Variants in CD101 observed in about 807,000 individuals in gnomAD.
The protein encoded by CD101 is immunoglobulin superfamily member 2.
Under a neutral mutation model 98.2 loss-of-function variants are expected in CD101, and 76 were observed. The ratio of observed to expected loss-of-function variants is 0.77; its 90% confidence interval spans 0.64 to 0.94. The LOEUF (loss-of-function observed/expected upper bound fraction) is 0.94. CD101 is among the 40% of genes least tolerant of loss of function. The pLI is 0.00. For missense variants in CD101, 1,145 were observed against 1,218.8 expected, an observed-to-expected ratio of 0.94 and a Z score of 0.90; for synonymous variants, 471 against 472.7, an observed-to-expected ratio of 1.00 and a Z score of 0.05.
At chr1:117,008,596 ACCTTTTCT>A in intron 1 of CD101, among the ~76,000 whole-genome samples, 1 of 152,276 alleles carries the variant, frequency 6.6e-6, no homozygotes, top group Non-Finnish European at 1.5e-5. Flanking sequence ...GTGACCACTT[ACCTTTTCT>A]GTGCTTTTGC....
rs953929563 is a variant in CD101 at position 117,012,955 on chromosome 1, G to T, written c.842-451G>T. On this transcript the variant is annotated intron_variant, in intron 3 of 9. Transcript: ENST00000682167. The surrounding 1 kb of genome is among the most constrained non-coding windows in gnomAD (Gnocchi z 4.0). ...TCAAGTATCCAAGTTATACTCATGAGTCCTATGGAGCGATATCACATGTGC... is the reference window on the plus strand; with the variant it reads ...TCAAGTATCCAAGTTATACTCATGATTCCTATGGAGCGATATCACATGTGC... 6.6e-6 allele frequency among the ~76,000 whole-genome samples: 1 copy of T among 152,108 alleles called. No individual in the cohort carries two copies. Among genetic ancestry groups the T allele is most frequent in the Non-Finnish European group, 1.5e-5 (1 of 68,020 alleles).
Position 117,021,635 on chromosome 1 carries a change from GAT to G in CD101, c.2084_2085del (p.Ile695ArgfsTer3). 6.2e-7 allele frequency: 1 copy of G among 1,613,578 alleles called. No individual in the cohort carries two copies. The highest frequency in any genetic ancestry group is 8.5e-7 in the Non-Finnish European group (1 of 1,179,764). ...AGAGCTCTCCATCAACTCCAACACT[GAT>G]ATAGAATGTAGCATCTTGTCCCGGT... ...VQELSINSNT[D>X]IECSILSRSN... On this transcript the variant is annotated frameshift_variant, in exon 7 of 10. Transcript: ENST00000682167. LOFTEE classifies it high-confidence loss of function. This position sits in a 1 kb window ranked among gnomAD's most constrained non-coding sequence, Gnocchi z 4.7.
chr1:117,014,111 T>C (rs1331279421), intron 4 of CD101, among the ~76,000 whole-genome samples: 2 of 152,128 alleles, frequency 1.3e-5, no homozygotes, highest in East Asian at 1.9e-4. Context: ...AGTCTATTTA[T>C]TTTTTGTTCT....
chr1:117,025,476 C>A (rs1404855998), intron 7 of CD101, 33 bp from the exon 8 acceptor site: 2 of 1,497,474 alleles, frequency 1.3e-6, no homozygotes, highest in Non-Finnish European at 1.8e-6. Context: ...TGAAAGTCTG[C>A]ATTCTCTAAT....
At chr1:117,007,657 C>G (rs935016531) in intron 1 of CD101, among the ~76,000 whole-genome samples, 2 of 152,080 alleles carry the variant, frequency 1.3e-5, no homozygotes, top group African/African-American at 2.4e-5. Flanking sequence ...CATTTCCTGC[C>G]TTTTTGCTAA....
rs1003878340 is a variant in CD101, at chr1:117,005,551, G to C, written c.43+3691G>C. On this transcript the variant is annotated intron_variant, in intron 1 of 9. Transcript: ENST00000682167. This position sits in a 1 kb window ranked among gnomAD's most constrained non-coding sequence, Gnocchi z 4.4. ...AATGTTCTTCCCTTGATTTCCAGCC[G>C]CTGTGTCCTAGTTGCCCTCCATCTA... 2.0e-5 allele frequency among the ~76,000 whole-genome samples: 3 copies of C among 152,032 alleles called. No individual in the cohort carries two copies. The highest frequency in any genetic ancestry group is 4.4e-5 in the Non-Finnish European group (3 of 68,002).
rs565688958 is a variant in CD101, at chr1:117,022,237, G to A, written c.2428+254G>A. Among the ~76,000 whole-genome samples, 1 of 152,244 alleles carries A rather than the reference G, an allele frequency of 6.6e-6. No homozygotes were observed. Among genetic ancestry groups the A allele is most frequent in the African/African-American group, 2.4e-5 (1 of 41,540 alleles). ...TTTGATTGGTTTGCTTCTCAACCTG[G>A]CAGCCTGGTCTGTGCAGCTACCCAG... On this transcript the variant is annotated intron_variant, in intron 7 of 9. Transcript: ENST00000682167. The surrounding 1 kb of genome is among the most constrained non-coding windows in gnomAD (Gnocchi z 4.8).
chr1:117,031,473 G>T (rs1047216730), intron 8 of CD101, among the ~76,000 whole-genome samples: 1 of 152,220 alleles, frequency 6.6e-6, no homozygotes, highest in Admixed American at 6.5e-5. Flanking sequence ...TTCAGTCTTT[G>T]CTGAATGTCA....
rs1652422862 is a variant in CD101 at position 117,004,591 on chromosome 1, C to T, written c.43+2731C>T. On this transcript the variant is annotated intron_variant, in intron 1 of 9. Transcript: ENST00000682167. This position sits in a 1 kb window ranked among gnomAD's most constrained non-coding sequence, Gnocchi z 4.1. ...GAGCTACTATTCAAAAGTAGCTAAC[C>T]CTCTACCCATTAAAAGAGAGAGCAA... 6.6e-6 allele frequency among the ~76,000 whole-genome samples: 1 copy of T among 152,062 alleles called. No individual in the cohort carries two copies. Among genetic ancestry groups the T allele is most frequent in the Non-Finnish European group, 1.5e-5 (1 of 68,024 alleles).
chr1:117,007,391 G>A (rs189233517), intron 1 of CD101, among the ~76,000 whole-genome samples: 2 of 151,012 alleles, frequency 1.3e-5, no homozygotes, highest in Non-Finnish European at 3.0e-5. Context: ...GGAGTTGCCC[G>A]GGCTGGAGTA....
In CD101 at chr1:117,021,696, A is replaced by AT. The variant is rs749177934; in HGVS notation, c.2146dup (p.Ser716PhefsTer6). 3 of 1,613,968 alleles carry AT rather than the reference A, an allele frequency of 1.9e-6. No individual in the cohort carries two copies. The highest frequency in any genetic ancestry group is 2.7e-5 in the African/African-American group (2 of 74,896). On this transcript the variant is annotated frameshift_variant, in exon 7 of 10. Transcript: ENST00000682167. LOFTEE classifies it high-confidence loss of function. The surrounding 1 kb of genome is among the most constrained non-coding windows in gnomAD (Gnocchi z 4.7). The stretch of plus-strand genomic sequence containing the variant: ...AACCTTCAGTTAGCCATTATTTGGT[A>AT]TTTTTCTCCTGTTTCCACTAATGCC...
At position 117,009,831 on chromosome 1, in the gene CD101, TCTTTCTCCTA is replaced by T. The variant is rs1435929899; in HGVS notation, c.44-15_44-6del. The T allele has an allele frequency of 6.4e-7, 1 of 1,573,996 alleles. No homozygotes were observed. Among genetic ancestry groups the T allele is most frequent in the Non-Finnish European group, 8.7e-7 (1 of 1,154,948 alleles). On this transcript the variant is annotated splice_polypyrimidine_tract_variant and intron_variant, in intron 1 of 9. Transcript: ENST00000682167. ...ACACTAATCTCTTTTTATTCCCCTT[TCTTTCTCCTA>T]CTTACAAGCTAAGCTCAGCATTGGC...
In CD101 at chr1:117,005,919, CTATT is replaced by C. The variant is rs1328464262; in HGVS notation, c.44-3928_44-3925del. ...ACAAATATTTTCAAAGGGTTAAAGTCTATTTAACCCTTTGAAAATATGTATAATT... is the reference window on the plus strand; with the variant it reads ...ACAAATATTTTCAAAGGGTTAAAGTCTAACCCTTTGAAAATATGTATAATT... On this transcript the variant is annotated intron_variant, in intron 1 of 9. Coordinates refer to ENST00000682167, the MANE Select transcript of CD101 (RefSeq NM_001256106.3). The surrounding 1 kb of genome is among the most constrained non-coding windows in gnomAD (Gnocchi z 4.4). 6.6e-6 allele frequency among the ~76,000 whole-genome samples: 1 copy of C among 151,470 alleles called. No homozygotes were observed. The highest frequency in any genetic ancestry group is 2.4e-5 in the African/African-American group (1 of 41,196).
chr1:117,010,947 G>T lies in CD101; in HGVS notation c.425-603G>T, dbSNP rs1226785616. On this transcript the variant is annotated intron_variant, in intron 2 of 9. Coordinates refer to ENST00000682167, the MANE Select transcript of CD101 (RefSeq NM_001256106.3). The surrounding 1 kb of genome is among the most constrained non-coding windows in gnomAD (Gnocchi z 5.2). ...GCTTCTACTCAGTGGCTAGCACCGA[G>T]TAGACGCTCAGTCACATTCATTGAT... Among the ~76,000 whole-genome samples the T allele has an allele frequency of 6.6e-6, 1 of 152,164 alleles. No homozygotes were observed. Among genetic ancestry groups the T allele is most frequent in the Non-Finnish European group, 1.5e-5 (1 of 68,026 alleles).
At chr1:117,007,283 G>T (rs865784953) in intron 1 of CD101, among the ~76,000 whole-genome samples, 9 of 151,890 alleles carry the variant, frequency 5.9e-5, no homozygotes, top group Admixed American at 3.3e-4. Context: ...CACCCAGCCC[G>T]CAGTGTGCCC....
Position 117,021,518 on chromosome 1 carries a change from C to G in CD101, c.2018-55C>G, listed in dbSNP as rs976708730. On this transcript the variant is annotated intron_variant, in intron 6 of 9. Coordinates refer to ENST00000682167, the MANE Select transcript of CD101 (RefSeq NM_001256106.3). This position sits in a 1 kb window ranked among gnomAD's most constrained non-coding sequence, Gnocchi z 4.7. ...TCATACTTGACCTCTAATGTCTCTACTACCTTAACTTTCTATTTCATAGCA... is the reference window on the plus strand; with the variant it reads ...TCATACTTGACCTCTAATGTCTCTAGTACCTTAACTTTCTATTTCATAGCA... The G allele has an allele frequency of 7.6e-6, 11 of 1,456,792 alleles. No individual in the cohort carries two copies. The highest frequency in any genetic ancestry group is 1.0e-5 in the Non-Finnish European group (11 of 1,091,966). The allele number at this position is 1,456,792 out of a possible 1,614,324, so 90.2% of individuals were successfully genotyped here. A position where few individuals can be genotyped will look rare whatever the true frequency, so the allele number is the denominator to read the frequency against.
At chr1:117,015,177 T>C (rs1653130550) in intron 4 of CD101, among the ~76,000 whole-genome samples, 1 of 152,218 alleles carries the variant, frequency 6.6e-6, no homozygotes, top group South Asian at 2.1e-4. Flanking sequence ...TTAAGGATCC[T>C]GTTTAGCATT....
chr1:117,009,627 T>A lies in CD101; in HGVS notation c.44-223T>A, dbSNP rs775020282. Among the ~76,000 whole-genome samples the A allele has an allele frequency of 3.9e-5, 6 of 152,352 alleles. No homozygotes were observed. In the East Asian group the frequency reaches 9.6e-4, roughly 24 times the overall value. ...ATGAAGCTAAATTTTTTTAAGAGAC[T>A]GAAGATTACTATGGAAGTTAAAGTT... On this transcript the variant is annotated intron_variant, in intron 1 of 9. Transcript: ENST00000682167.
intron 8 of CD101, chr1:117,026,515 G>GT (rs1466362718): frequency 6.6e-6 from 1 of 152,184 alleles, no homozygotes; most frequent in Non-Finnish European, 1.5e-5. Context: ...AGGCCAAAAT[G>GT]TTTTTTCTAT....
Sources: allele counts gnomAD v4.1 joint callset (sites outside exome capture counted in the v4.1 genomes callset), GRCh38; gene constraint gnomAD v4.1.1; non-coding constraint Gnocchi (gnomAD v3.1); transcripts MANE v1.5; gene names NCBI Gene and HGNC (gene_info 2026-07-23, HGNC 2026-07-21).